Variants in LONRF2 observed in about 807,000 individuals in gnomAD.
LONRF2 encodes LON peptidase N-terminal domain and RING finger protein 2.
In LONRF2, 35 loss-of-function variants were observed where a neutral mutation model predicts 66.6. That is an observed-to-expected ratio of 0.53 (90% CI 0.40 to 0.70). LONRF2 has a LOEUF of 0.70. LONRF2 is among the 30% of genes least tolerant of loss of function. LONRF2 has a pLI of 0.00. For synonymous variants in LONRF2, 417 were observed against 418.1 expected (o/e 1.00, Z 0.03); for missense variants, 902 against 1,002.1 (o/e 0.90, Z 1.35).
At position 100,300,021 on chromosome 2, in the gene LONRF2, G is replaced by GA. The variant is rs900424856; in HGVS notation, c.1066-104_1066-103insT. On this transcript the variant is annotated intron_variant, in intron 4 of 11. Coordinates refer to ENST00000393437, the MANE Select transcript of LONRF2 (RefSeq NM_198461.4). ...ACTAGAAATCTTTGGAAAAAAAAAG[G>GA]GGGGGGCATACACTCTTCTTCATAA... 6.7e-5 allele frequency: 39 copies of GA among 581,472 alleles called. 5 individuals carry two copies. Among genetic ancestry groups the GA allele is most frequent in the East Asian group, 3.2e-4 (9 of 28,280 alleles). 36.0% of individuals were successfully genotyped at this position (581,472 alleles called of 1,614,324 possible).
chr2:100,300,426 G>T (rs956880031), intron 4 of LONRF2, among the ~76,000 whole-genome samples: 1 of 152,082 alleles, frequency 6.6e-6, no homozygotes, highest in African/African-American at 2.4e-5. Context: ...TGATTTGGTG[G>T]TGTTCTAAAG....
At chr2:100,300,029 A>G (rs886211723) in intron 4 of LONRF2, 111 bp from the exon 5 acceptor site, 1 of 546,188 alleles carries the variant, frequency 1.8e-6, no homozygotes, top group Admixed American at 3.4e-5. Flanking sequence ...AGGGGGGGGC[A>G]TACACTCTTC....
chr2:100,286,021 T>A (rs1238602852), intron 11 of LONRF2, among the ~76,000 whole-genome samples: 1 of 151,888 alleles, frequency 6.6e-6, no homozygotes, highest in East Asian at 1.9e-4. Flanking sequence ...TGAATCTGAG[T>A]TCCAGGATAC....
At position 100,297,307 on chromosome 2, in the gene LONRF2, T is replaced by C. The variant is rs1257533914; in HGVS notation, c.1476+1529A>G. 4.9e-5 allele frequency among the ~76,000 whole-genome samples: 3 copies of C among 61,460 alleles called. No individual in the cohort carries two copies. In the African/African-American group the frequency reaches 5.2e-4, roughly 11 times the overall value. The allele number at this position is 61,460 out of a possible 152,430, so 40.3% of individuals were successfully genotyped here. ...CCATACCTGGCTAATTTTGTTTTTG[T>C]ATTTTTTTTTTAGTAGAGACGGGGT... On this transcript the variant is annotated intron_variant, in intron 7 of 11. Transcript: ENST00000393437.
intron 9 of LONRF2, among the ~76,000 whole-genome samples, chr2:100,292,864 G>A (rs1454296111): frequency 6.6e-6 from 1 of 152,138 alleles, no homozygotes; most frequent in Admixed American, 6.5e-5. Context: ...ATAAGGTAAA[G>A]CTTTTTCCCC....
chr2:100,281,467 T>A lies in LONRF2; in HGVS notation c.*2831A>T, dbSNP rs1395887318. On this transcript the variant is annotated 3_prime_UTR_variant, in exon 12 of 12. Coordinates refer to ENST00000393437, the MANE Select transcript of LONRF2 (RefSeq NM_198461.4). The stretch of plus-strand genomic sequence containing the variant: ...TTTTCTTTTGAAACTTTAAAAAGTA[T>A]CCTAACTTTCAATTCTGAAGATGAG... The A allele has an allele frequency of 3.9e-5, 6 of 152,172 alleles. No individual in the cohort carries two copies. The highest frequency in any genetic ancestry group is 8.8e-5 in the Non-Finnish European group (6 of 68,032). 9.4% of individuals were successfully genotyped at this position (152,172 alleles called of 1,614,324 possible).
chr2:100,302,757 T>G (rs1265714444), intron 3 of LONRF2, among the ~76,000 whole-genome samples, 164 bp downstream of exon 3: 1 of 152,242 alleles, frequency 6.6e-6, no homozygotes, highest in Admixed American at 6.5e-5. Flanking sequence ...CTAGAAGTTA[T>G]CCAATGTATG....
intron 7 of LONRF2, among the ~76,000 whole-genome samples, chr2:100,297,159 C>T (rs944840171): frequency 2.1e-4 from 32 of 151,570 alleles, no homozygotes; most frequent in Admixed American, 3.3e-4. Context: ...GACAGAGTCT[C>T]GCTCTGTCGC....
At chr2:100,320,925 G>C (rs1265488197) in intron 1 of LONRF2, among the ~76,000 whole-genome samples, 1 of 152,230 alleles carries the variant, frequency 6.6e-6, no homozygotes, top group Non-Finnish European at 1.5e-5. Context: ...CTGAGACAGA[G>C]AGCAGGCTAG....
At position 100,272,471 on chromosome 2, in the gene LONRF2, C is replaced by A. The variant is rs1674519976; in HGVS notation, c.*11827G>T. ...CTATGCTTGTACCACTGCCCTCCAG[C>A]CTGGATGACACAGCAAGACCATGTC... On this transcript the variant is annotated 3_prime_UTR_variant, in exon 12 of 12. Transcript: ENST00000393437. Among the ~76,000 whole-genome samples the A allele has an allele frequency of 1.3e-5, 2 of 151,838 alleles. No individual in the cohort carries two copies. The highest frequency in any genetic ancestry group is 2.4e-5 in the African/African-American group (1 of 41,384).
chr2:100,310,752 G>A (rs1675391989), intron 1 of LONRF2, among the ~76,000 whole-genome samples: 2 of 152,216 alleles, frequency 1.3e-5, no homozygotes, highest in South Asian at 2.1e-4. Flanking sequence ...AGGCCAGATA[G>A]TAACTATTTT....
chr2:100,297,780 A>C (rs1166410707), intron 7 of LONRF2, among the ~76,000 whole-genome samples: 1 of 152,240 alleles, frequency 6.6e-6, no homozygotes, highest in Non-Finnish European at 1.5e-5. Flanking sequence ...ACTCTGAAGA[A>C]TTTAAAAAGA....
At chr2:100,321,020 C>A (rs1365524212) in intron 1 of LONRF2, among the ~76,000 whole-genome samples, 1 of 152,180 alleles carries the variant, frequency 6.6e-6, no homozygotes, top group Non-Finnish European at 1.5e-5. Flanking sequence ...AAATCTTGCC[C>A]CAGCACAAGG....
rs1674738077 is a variant in LONRF2 at position 100,281,601 on chromosome 2, GAAA to G, written c.*2694_*2696del. ...CACAGGCAGGTTTGGGCGATGAATG[GAAA>G]AATACAGAACAGCATGTATTGTTCC... On this transcript the variant is annotated 3_prime_UTR_variant, in exon 12 of 12. Transcript: ENST00000393437. 1 of 152,060 alleles carries G rather than the reference GAAA, an allele frequency of 6.6e-6. No homozygotes were observed. The allele number at this position is 152,060 out of a possible 1,614,324, so 9.4% of individuals were successfully genotyped here.
chr2:100,298,526 T>A (rs1215990742), intron 7 of LONRF2, among the ~76,000 whole-genome samples: 4 of 152,210 alleles, frequency 2.6e-5, no homozygotes, highest in Non-Finnish European at 5.9e-5. Context: ...TGGAGCACAT[T>A]AAGTGCACCA....
intron 3 of LONRF2, among the ~76,000 whole-genome samples, chr2:100,302,372 A>G (rs1457392983): frequency 2.0e-5 from 3 of 152,244 alleles, no homozygotes; most frequent in African/African-American, 7.2e-5. Context: ...AGAAGTTGAC[A>G]ATAAACAGTG....
chr2:100,322,292 T>TG lies in LONRF2; in HGVS notation c.-200dup. 2.4e-6 allele frequency: 1 copy of TG among 415,744 alleles called. No individual in the cohort carries two copies. The highest frequency in any genetic ancestry group is 3.8e-6 in the Non-Finnish European group (1 of 260,836). The allele number at this position is 415,744 out of a possible 1,614,324, so 25.8% of individuals were successfully genotyped here. A position where few individuals can be genotyped will look rare whatever the true frequency, so the allele number is the denominator to read the frequency against. ...CTTGGGCAGCGTCCTCAGCGCGGTG[T>TG]GGGCGGCGAGCCCCGCAGGGCTGCA... On this transcript the variant is annotated 5_prime_UTR_variant, in exon 1 of 12. Transcript: ENST00000393437.
Position 100,321,629 on chromosome 2 carries a change from C to A in LONRF2, c.465G>T (p.Thr155=), listed in dbSNP as rs771144603. ...RCRRLLHKPV[T]LPCGLTVCKR... is the part of the protein sequence containing the mutation. The stretch of plus-strand genomic sequence containing the variant: ...TGCAGACTGTGAGCCCGCAGGGCAG[C>A]GTCACCGGCTTATGCAGCAGCCGCC... The change falls in exon 1 of 12, where the codon ACG becomes ACT. Residue 155 remains threonine (T), a synonymous_variant. Transcript: ENST00000393437. 2.5e-5 allele frequency: 37 copies of A among 1,480,394 alleles called. No homozygotes were observed. Among genetic ancestry groups the A allele is most frequent in the Non-Finnish European group, 3.2e-5 (36 of 1,124,160 alleles). 91.7% of individuals were successfully genotyped at this position (1,480,394 alleles called of 1,614,324 possible).
intron 4 of LONRF2, 54 bp downstream of exon 4, chr2:100,300,590 G>A: frequency 6.6e-7 from 1 of 1,511,960 alleles, no homozygotes. Context: ...TTAAAATGAA[G>A]CCATTATGTA....
Sources: gnomAD v4.1 joint callset for allele counts (sites outside exome capture counted in the v4.1 genomes callset) on GRCh38, gnomAD v4.1.1 for gene constraint, MANE v1.5 for transcripts, NCBI Gene and HGNC (gene_info 2026-07-23, HGNC 2026-07-21) for gene names.